The following TMEM38A variants were observed in gnomAD, a reference collection of about 807,000 sequenced individuals.
TMEM38A encodes transmembrane protein 38A.
A neutral mutation model predicts 28.6 loss-of-function variants in TMEM38A; 17 were observed. That is an observed-to-expected ratio of 0.60 (90% CI 0.41 to 0.89). The LOEUF (loss-of-function observed/expected upper bound fraction) is 0.89, where lower values mean the gene tolerates loss of function less well. Among genes scored for constraint, TMEM38A ranks in the 40% least tolerant of loss-of-function variants. The pLI is 0.00. For missense variants in TMEM38A, 328 were observed against 393.1 expected, an observed-to-expected ratio of 0.83 and a Z score of 1.40; for synonymous variants, 169 against 166.1, an observed-to-expected ratio of 1.02 and a Z score of -0.14.
chr19:16,672,361 A>C (rs943808110), intron 1 of TMEM38A, among the ~76,000 whole-genome samples: 1 of 151,756 alleles, frequency 6.6e-6, no homozygotes, highest in Non-Finnish European at 1.5e-5. Context: ...GCCATGTTTG[A>C]TGAAGAATTA....
intron 1 of TMEM38A, among the ~76,000 whole-genome samples, chr19:16,673,120 C>T (rs1036830439): frequency 4.6e-5 from 7 of 151,872 alleles, no homozygotes; most frequent in African/African-American, 1.7e-4. Context: ...CTCCCTCTGT[C>T]GCCCAGGCTG....
At chr19:16,669,485 G>C (rs984437170) in intron 1 of TMEM38A, among the ~76,000 whole-genome samples, 16 of 152,140 alleles carry the variant, frequency 1.1e-4, no homozygotes, top group Non-Finnish European at 1.5e-4. Context: ...GGGATTACAG[G>C]TGTGAGCCAC....
chr19:16,685,049 TGTAAATAAATAAATAAATAA>T (rs2086796293), intron 4 of TMEM38A, among the ~76,000 whole-genome samples: 1 of 136,480 alleles, frequency 7.3e-6, no homozygotes, highest in African/African-American at 2.8e-5. Context: ...ACCCTGTCTC[TGTAAATAAATAAATAAATAA>T]ATAAATAAAT....
intron 1 of TMEM38A, among the ~76,000 whole-genome samples, chr19:16,677,331 A>G (rs189248892): frequency 6.6e-6 from 1 of 152,030 alleles, no homozygotes; most frequent in East Asian, 1.9e-4. Flanking sequence ...TCAACTACAG[A>G]CTTTATATAT....
intron 1 of TMEM38A, among the ~76,000 whole-genome samples, chr19:16,674,983 T>C (rs1265951030): frequency 6.6e-6 from 1 of 152,144 alleles, no homozygotes; most frequent in Non-Finnish European, 1.5e-5. Flanking sequence ...CCGTTGAATG[T>C]ATCATTAGTA....
intron 3 of TMEM38A, among the ~76,000 whole-genome samples, chr19:16,681,567 C>G (rs1426454992): frequency 1.3e-5 from 2 of 152,090 alleles, no homozygotes; most frequent in African/African-American, 4.8e-5. Context: ...GCACTTTATC[C>G]TCGCTTCCTG....
chr19:16,687,789 GATAGGTTTCAACA>G (rs1268226731), intron 5 of TMEM38A, among the ~76,000 whole-genome samples: 1 of 152,138 alleles, frequency 6.6e-6, no homozygotes, highest in African/African-American at 2.4e-5. Flanking sequence ...TCACCTTTGT[GATAGGTTTCAACA>G]TATGAATTTG....
At chr19:16,683,633 C>G (rs1257907566) in intron 4 of TMEM38A, among the ~76,000 whole-genome samples, 3 of 150,242 alleles carry the variant, frequency 2.0e-5, no homozygotes, top group Non-Finnish European at 4.4e-5. Flanking sequence ...TTTAAATCAC[C>G]TGGCCCTGGA....
intron 4 of TMEM38A, 43 bp downstream of exon 4, chr19:16,682,551 T>G: frequency 6.4e-7 from 1 of 1,570,948 alleles, no homozygotes; most frequent in Non-Finnish European, 8.8e-7. Flanking sequence ...CTCCTGTATG[T>G]CCGGGTGCCT....
intron 1 of TMEM38A, among the ~76,000 whole-genome samples, chr19:16,668,710 G>A (rs1014720916): frequency 2.0e-5 from 3 of 151,964 alleles, no homozygotes; most frequent in African/African-American, 4.8e-5. Context: ...TTGGAATCAT[G>A]CAGTATGTAC....
chr19:16,680,720 A>G (rs1217220980), intron 3 of TMEM38A, 139 bp downstream of exon 3: 6 of 747,780 alleles, frequency 8.0e-6, no homozygotes, highest in East Asian at 5.4e-5. Context: ...AAACCTCCCT[A>G]CAGGTATCAG....
intron 1 of TMEM38A, among the ~76,000 whole-genome samples, chr19:16,673,379 C>A (rs1490588891): frequency 6.6e-6 from 1 of 152,164 alleles, no homozygotes; most frequent in Non-Finnish European, 1.5e-5. Context: ...GCCTGGTTCA[C>A]TTTTAAATAG....
chr19:16,678,048 A>C (rs547560429), intron 1 of TMEM38A, among the ~76,000 whole-genome samples: 5 of 152,258 alleles, frequency 3.3e-5, no homozygotes, highest in African/African-American at 1.2e-4. Context: ...TGAGTGTTTA[A>C]TAGGTTTCAG....
At chr19:16,663,018 C>T (rs986122587) in intron 1 of TMEM38A, among the ~76,000 whole-genome samples, 2 of 151,802 alleles carry the variant, frequency 1.3e-5, no homozygotes, top group Admixed American at 6.6e-5. Context: ...CAGTGGCTCA[C>T]GCCTGTAATC....
rs1317462898 is a variant in TMEM38A, at chr19:16,661,402, G to A, written c.124+61G>A. ...CGGGTGGCGCGGGCCGGGGCAGCTC[G>A]GGGGTCGCAGAGAGGGGAAGCCCGT... is the stretch of plus-strand genomic sequence containing the variant. On this transcript the variant is annotated intron_variant, in intron 1 of 5. Transcript: ENST00000187762. This position sits in a 1 kb window ranked among gnomAD's most constrained non-coding sequence, Gnocchi z 6.5. 7.1e-7 allele frequency: 1 copy of A among 1,418,108 alleles called. No homozygotes were observed. Among genetic ancestry groups the A allele is most frequent in the Non-Finnish European group, 9.4e-7 (1 of 1,060,426 alleles). 87.8% of individuals were successfully genotyped at this position (1,418,108 alleles called of 1,614,324 possible).
At chr19:16,663,973 G>A (rs1007767547) in intron 1 of TMEM38A, among the ~76,000 whole-genome samples, 1 of 152,056 alleles carries the variant, frequency 6.6e-6, no homozygotes, top group African/African-American at 2.4e-5. Flanking sequence ...TTTCATAACT[G>A]GGGAAACAGG....
In TMEM38A at chr19:16,679,933, G is replaced by A. The variant is rs369891753; in HGVS notation, c.125-51G>A. 1.5e-5 allele frequency: 23 copies of A among 1,548,402 alleles called. No homozygotes were observed. In the African/African-American group the frequency reaches 3.0e-4, roughly 20 times the overall value. ...GCTGACCAGAGCATATGGGAGTGAAGCCTGCCCTTGGCATGCTGGTGATGA... is the reference window on the plus strand; with the variant it reads ...GCTGACCAGAGCATATGGGAGTGAAACCTGCCCTTGGCATGCTGGTGATGA... On this transcript the variant is annotated intron_variant, in intron 1 of 5. Transcript: ENST00000187762.
At chr19:16,675,507 T>C (rs1449965456) in intron 1 of TMEM38A, among the ~76,000 whole-genome samples, 1 of 147,772 alleles carries the variant, frequency 6.8e-6, no homozygotes, top group South Asian at 2.2e-4. Flanking sequence ...GTGCTGGGAT[T>C]ACAGGTGTGA....
chr19:16,678,427 CA>C (rs58580381), intron 1 of TMEM38A, among the ~76,000 whole-genome samples: 7,685 of 64,772 alleles, frequency 0.12, 181 homozygotes, highest in East Asian at 0.36. Flanking sequence ...GACTCTGTCT[CA>C]AAAAAAAAAA....
Sources: allele counts gnomAD v4.1 joint callset (sites outside exome capture counted in the v4.1 genomes callset), GRCh38; gene constraint gnomAD v4.1.1; non-coding constraint Gnocchi (gnomAD v3.1); transcripts MANE v1.5; gene names NCBI Gene and HGNC (gene_info 2026-07-23, HGNC 2026-07-21).